The following SLC33A1 variants were observed in gnomAD, a reference collection of about 807,000 sequenced individuals.
SLC33A1 encodes solute carrier family 33 member 1, also known as acetyl-coenzyme A transporter 1.
In SLC33A1, 20 loss-of-function variants were observed where a neutral mutation model predicts 50.0. The observed-to-expected ratio is 0.40, with a 90% CI of 0.28 to 0.58. SLC33A1 has a LOEUF of 0.58. Ranked by LOEUF, SLC33A1 falls within the 20% of genes least tolerant of loss-of-function variation. SLC33A1 has a pLI of 0.44. For synonymous variants in SLC33A1, 265 were observed against 251.8 expected, an observed-to-expected ratio of 1.05 and a Z score of -0.50; for missense variants, 476 against 657.0, an observed-to-expected ratio of 0.72 and a Z score of 3.01.
At chr3:155,851,884 T>C (rs572244104) in intron 1 of SLC33A1, among the ~76,000 whole-genome samples, 2 of 152,154 alleles carry the variant, frequency 1.3e-5, no homozygotes, top group Non-Finnish European at 2.9e-5. Context: ...GAGGTGTACA[T>C]AAGGTTAGAT....
chr3:155,848,836 T>A lies in SLC33A1; in HGVS notation c.775+4387A>T, dbSNP rs920129233. 1.5e-4 allele frequency among the ~76,000 whole-genome samples: 23 copies of A among 152,240 alleles called. 1 individual carries two copies. The highest frequency in any genetic ancestry group is 2.6e-4 in the Admixed American group (4 of 15,284). ...TCAGATGACTCATTTACATTATCTA[T>A]CTACCCAATATATTCCATCTCCATT... On this transcript the variant is annotated intron_variant, in intron 1 of 5. Transcript: ENST00000643144.
Position 155,854,014 on chromosome 3 carries a change from A to T in SLC33A1, c.-17T>A. The T allele has an allele frequency of 6.5e-7, 1 of 1,533,070 alleles. No individual in the cohort carries two copies. Among genetic ancestry groups the T allele is most frequent in the Non-Finnish European group, 8.7e-7 (1 of 1,145,158 alleles). The allele number at this position is 1,533,070 out of a possible 1,614,324, so 95.0% of individuals were successfully genotyped here. A position where few individuals can be genotyped will look rare whatever the true frequency, so the allele number is the denominator to read the frequency against. On this transcript the variant is annotated 5_prime_UTR_variant, in exon 1 of 6. Transcript: ENST00000643144. ...GGGTGACATATCAGAGACGATGCAG[A>T]GCCCCGTCTGTGGGGGGCCGAGGCT...
At position 155,824,921 on chromosome 3, in the gene SLC33A1, G is replaced by A. The variant is rs1019860543; in HGVS notation, c.*3289C>T. On this transcript the variant is annotated 3_prime_UTR_variant, in exon 6 of 6. Coordinates refer to ENST00000643144, the MANE Select transcript of SLC33A1 (RefSeq NM_004733.4). ...TTAAGGTGTTGAATAAACTTTTTATGACTTATCAGGCAAAATTAAAATATT... is the reference window on the plus strand; with the variant it reads ...TTAAGGTGTTGAATAAACTTTTTATAACTTATCAGGCAAAATTAAAATATT... 9.2e-5 allele frequency: 14 copies of A among 152,154 alleles called. No homozygotes were observed. The highest frequency in any genetic ancestry group is 3.4e-4 in the African/African-American group (14 of 41,532). The allele number at this position is 152,154 out of a possible 1,614,324, so 9.4% of individuals were successfully genotyped here.
Position 155,828,030 on chromosome 3 carries a change from C to T in SLC33A1, c.*180G>A. On this transcript the variant is annotated 3_prime_UTR_variant, in exon 6 of 6. Transcript: ENST00000643144. ...GTAAACTTTAAATACATTGACAAGGCAAAAAAAAAATATGATCAAATATAC... is the reference window on the plus strand; with the variant it reads ...GTAAACTTTAAATACATTGACAAGGTAAAAAAAAAATATGATCAAATATAC... 2 of 490,100 alleles carry T rather than the reference C, an allele frequency of 4.1e-6. No homozygotes were observed. The highest frequency in any genetic ancestry group is 3.5e-5 in the East Asian group (1 of 28,372). 30.4% of individuals were successfully genotyped at this position (490,100 alleles called of 1,614,324 possible).
At chr3:155,849,153 A>C (rs1449972566) in intron 1 of SLC33A1, among the ~76,000 whole-genome samples, 1 of 151,998 alleles carries the variant, frequency 6.6e-6, no homozygotes, top group East Asian at 1.9e-4. Context: ...GAGCTCAAGC[A>C]ATCTGCCCAC....
chr3:155,838,165 T>C (rs183158848), intron 2 of SLC33A1, among the ~76,000 whole-genome samples: 1 of 151,692 alleles, frequency 6.6e-6, no homozygotes, highest in South Asian at 2.1e-4. Flanking sequence ...TAGCCGGGCA[T>C]GGTGGTGCAC....
At chr3:155,830,099 C>G (rs904685929) in intron 4 of SLC33A1, among the ~76,000 whole-genome samples, 196 bp from the exon 5 acceptor site, 1 of 151,900 alleles carries the variant, frequency 6.6e-6, no homozygotes, top group African/African-American at 2.4e-5. Context: ...CGCGGTGGCT[C>G]ATGCCTGTAA....
chr3:155,839,300 CAAAAAAAAAAA>C (rs550171374), intron 2 of SLC33A1, among the ~76,000 whole-genome samples: 44 of 25,736 alleles, frequency 1.7e-3, no homozygotes, highest in African/African-American at 2.6e-3. Context: ...AACTCCGCCT[CAAAAAAAAAAA>C]AAAAAAAAAA....
intron 2 of SLC33A1, 87 bp from the exon 3 acceptor site, chr3:155,834,128 A>G: frequency 2.1e-6 from 2 of 947,392 alleles, no homozygotes; most frequent in East Asian, 2.5e-5. Context: ...AAGAACCTCA[A>G]TTTTATTACT....
At chr3:155,852,658 C>T (rs919654527) in intron 1 of SLC33A1, among the ~76,000 whole-genome samples, 12 of 152,180 alleles carry the variant, frequency 7.9e-5, no homozygotes, top group African/African-American at 2.2e-4. Flanking sequence ...AGCCTGACTC[C>T]CAAAGGCAGT....
At chr3:155,840,506 A>C (rs1380306167) in intron 2 of SLC33A1, among the ~76,000 whole-genome samples, 2 of 149,380 alleles carry the variant, frequency 1.3e-5, no homozygotes, top group African/African-American at 4.9e-5. Flanking sequence ...ACAGGGTGAA[A>C]CCCTCTCTTC....
At chr3:155,833,428 C>A (rs571241822) in intron 4 of SLC33A1, 40 bp downstream of exon 4, 18 of 947,652 alleles carry the variant, frequency 1.9e-5, no homozygotes, top group African/African-American at 1.6e-4. Flanking sequence ...TTATTTTACA[C>A]AGAACAGTTT....
At position 155,842,575 on chromosome 3, in the gene SLC33A1, ATGT is replaced by A. The variant is rs1171030632; in HGVS notation, c.817_819del (p.Thr273del). 12 of 1,592,368 alleles carry A rather than the reference ATGT, an allele frequency of 7.5e-6. No individual in the cohort carries two copies. Among genetic ancestry groups the A allele is most frequent in the South Asian group, 4.6e-5 (4 of 86,164 alleles). On this transcript the variant is annotated inframe_deletion, in exon 2 of 6. Coordinates refer to ENST00000643144, the MANE Select transcript of SLC33A1 (RefSeq NM_004733.4). ...TTTTCTTTTTTCAGAAGGGCAACCA[ATGT>A]TGTTGTTATTAAAAATACAGTTCCC... is the stretch of plus-strand genomic sequence containing the variant.
At chr3:155,835,603 T>TA (rs1560014737) in intron 2 of SLC33A1, among the ~76,000 whole-genome samples, 1 of 151,964 alleles carries the variant, frequency 6.6e-6, no homozygotes, top group Non-Finnish European at 1.5e-5. Context: ...ATGTGTACAG[T>TA]AAAAAAATGG....
At chr3:155,848,135 A>AT (rs146346493) in intron 1 of SLC33A1, among the ~76,000 whole-genome samples, 1 of 152,054 alleles carries the variant, frequency 6.6e-6, no homozygotes, top group Non-Finnish European at 1.5e-5. Flanking sequence ...GATGAGACAG[A>AT]TTTTTTTAAA....
Position 155,853,942 on chromosome 3 carries a change from A to C in SLC33A1, c.56T>G (p.Phe19Cys), listed in dbSNP as rs1176548842. ...GCTCTTCATATCCAGAGAGTGACTG[A>C]AATTCCCTGGCCGCCGTTGCCGGCT... ...DSSRQRRPGN[F>C]SHSLDMKSGP... The change falls in exon 1 of 6, where the codon TTC becomes TGC. Residue 19 changes from phenylalanine to cysteine, a missense_variant. By Grantham distance (205) the Phe-to-Cys change is radical. Transcript: ENST00000643144. 6.5e-7 allele frequency: 1 copy of C among 1,537,064 alleles called. No homozygotes were observed. The highest frequency in any genetic ancestry group is 1.4e-5 in the African/African-American group (1 of 71,992).
chr3:155,834,522 G>A (rs1991545), intron 2 of SLC33A1, among the ~76,000 whole-genome samples: 30,029 of 151,940 alleles, frequency 0.2, 7,543 homozygotes, highest in African/African-American at 0.58. Context: ...AGTAATTCTG[G>A]GAAAACGTAT....
chr3:155,826,600 G>A lies in SLC33A1; in HGVS notation c.*1610C>T, dbSNP rs962668773. The A allele has an allele frequency of 6.6e-6, 1 of 152,012 alleles. No individual in the cohort carries two copies. The highest frequency in any genetic ancestry group is 6.6e-5 in the Admixed American group (1 of 15,250). 9.4% of individuals were successfully genotyped at this position (152,012 alleles called of 1,614,324 possible). A position where few individuals can be genotyped will look rare whatever the true frequency, so the allele number is the denominator to read the frequency against. On this transcript the variant is annotated 3_prime_UTR_variant, in exon 6 of 6. Coordinates refer to ENST00000643144, the MANE Select transcript of SLC33A1 (RefSeq NM_004733.4). ...TGATAATGGACAACCATGTGACAAA[G>A]TACTGTAGTGTATGGTTTGGTGTAG...
At position 155,823,152 on chromosome 3, in the gene SLC33A1, C is replaced by G. The variant is rs1265191509; in HGVS notation, c.*5058G>C. ...CTTAAGCAGGAGGGAATGAGTTCAG[C>G]ACATTAATTAGTCTGCCCTGCTATA... On this transcript the variant is annotated 3_prime_UTR_variant, in exon 6 of 6. Coordinates refer to ENST00000643144, the MANE Select transcript of SLC33A1 (RefSeq NM_004733.4). 1 of 152,166 alleles carries G rather than the reference C, an allele frequency of 6.6e-6. No individual in the cohort carries two copies. The highest frequency in any genetic ancestry group is 2.1e-4 in the South Asian group (1 of 4,830). The allele number at this position is 152,166 out of a possible 1,614,324, so 9.4% of individuals were successfully genotyped here.
Sources: allele counts gnomAD v4.1 joint callset (sites outside exome capture counted in the v4.1 genomes callset), GRCh38; gene constraint gnomAD v4.1.1; transcripts MANE v1.5; gene names NCBI Gene and HGNC (gene_info 2026-07-23, HGNC 2026-07-21).